Variants in BRIP1 observed in about 807,000 individuals in gnomAD.
BRIP1 encodes BRCA1 interacting DNA helicase 1, also known as Fanconi anemia group J protein.
A neutral mutation model predicts 119.7 loss-of-function variants in BRIP1; 88 were observed. The ratio of observed to expected loss-of-function variants is 0.74; its 90% CI spans 0.62 to 0.88. The LOEUF is 0.88. Ranked by LOEUF, BRIP1 falls within the 40% of genes least tolerant of loss-of-function variation. The pLI, the probability that BRIP1 is intolerant of heterozygous loss-of-function variation, is 0.00. For missense variants in BRIP1, 1,259 were observed against 1,455.4 expected, an observed-to-expected ratio of 0.87 and a Z score of 2.20; for synonymous variants, 443 against 496.5, an observed-to-expected ratio of 0.89 and a Z score of 1.43.
At chr17:61,787,667 CAG>C (rs1454138055) in intron 10 of BRIP1, among the ~76,000 whole-genome samples, 4 of 151,484 alleles carry the variant, frequency 2.6e-5, no homozygotes, top group Admixed American at 6.6e-5. Flanking sequence ...TTTTTTGAGA[CAG>C]AGTCTCGCTC....
Position 61,699,136 on chromosome 17 carries a change from C to A in BRIP1, c.2493-5624G>T, listed in dbSNP as rs1452962476. ...ATTTGCATGGTATGTCTTTTCCCAT[C>A]ATTTTATTTTCAACCTATTTGTGTT... On this transcript the variant is annotated intron_variant, in intron 17 of 19. Coordinates refer to ENST00000259008, the MANE Select transcript of BRIP1 (RefSeq NM_032043.3). The surrounding 1 kb of genome is among the most constrained non-coding windows in gnomAD (Gnocchi z 4.8). Among the ~76,000 whole-genome samples the A allele has an allele frequency of 1.3e-5, 2 of 152,124 alleles. No homozygotes were observed. Among genetic ancestry groups the A allele is most frequent in the African/African-American group, 2.4e-5 (1 of 41,416 alleles).
At position 61,683,319 on chromosome 17, in the gene BRIP1, C is replaced by A. The variant is rs587780250; in HGVS notation, c.3727G>T (p.Gly1243Cys). Residue 1243 changes from glycine to cysteine, a missense_variant, in exon 20 of 20, where the codon GGC becomes TGC. Coordinates refer to ENST00000259008, the MANE Select transcript of BRIP1 (RefSeq NM_032043.3). This position sits in a 1 kb window ranked among gnomAD's most constrained non-coding sequence, Gnocchi z 4.7. Reference protein sequence around the residue: ...NFKPSPSKNKGMFPGFK With the variant: ...NFKPSPSKNKCMFPGFK ...TATTACTTAAAACCAGGAAACATGC[C>A]TTTATTTTTGGAAGGAGATGGTTTA... 6 of 1,610,214 alleles carry A rather than the reference C, an allele frequency of 3.7e-6. No individual in the cohort carries two copies. Among genetic ancestry groups the A allele is most frequent in the Non-Finnish European group, 4.2e-6 (5 of 1,177,268 alleles).
In BRIP1 at chr17:61,764,683, G is replaced by A. The variant is rs371663260; in HGVS notation, c.2097+11718C>T. The stretch of plus-strand genomic sequence containing the variant: ...CTAGTCCATATCAAGCTCAAAAATT[G>A]CTTTAATATGTAAAATGTACAGTAA... On this transcript the variant is annotated intron_variant, in intron 14 of 19. Transcript: ENST00000259008. Among the ~76,000 whole-genome samples the A allele has an allele frequency of 1.5e-4, 23 of 152,212 alleles. No individual in the cohort carries two copies. The South Asian group carries it at 3.7e-3, about 25-fold the overall frequency.
At position 61,753,805 on chromosome 17, in the gene BRIP1, A is replaced by G. The variant is rs2077165865; in HGVS notation, c.2098-9214T>C. 2.0e-5 allele frequency among the ~76,000 whole-genome samples: 3 copies of G among 152,044 alleles called. No homozygotes were observed. Among genetic ancestry groups the G allele is most frequent in the Non-Finnish European group, 4.4e-5 (3 of 68,010 alleles). Reference sequence around the variant, plus strand: ...AACAACAACAACAACAAAAAACCAGAGAGGGTCTTGCTGTGTTGCCAAGGC... The same window carrying G: ...AACAACAACAACAACAAAAAACCAGGGAGGGTCTTGCTGTGTTGCCAAGGC... On this transcript the variant is annotated intron_variant, in intron 14 of 19. Coordinates refer to ENST00000259008, the MANE Select transcript of BRIP1 (RefSeq NM_032043.3). The surrounding 1 kb of genome is among the most constrained non-coding windows in gnomAD (Gnocchi z 4.6).
At chr17:61,719,245 C>T (rs531206556) in intron 16 of BRIP1, among the ~76,000 whole-genome samples, 1 of 148,628 alleles carries the variant, frequency 6.7e-6, no homozygotes, top group Non-Finnish European at 1.5e-5. Context: ...AGGTATCCAA[C>T]AACAGATAAG....
chr17:61,748,717 G>A lies in BRIP1; in HGVS notation c.2098-4126C>T, dbSNP rs1391362521. ...AAGGGTGCCAAAAATACATAATGGG[G>A]AAAGGACAGTCTCTTCAACAAATAG... On this transcript the variant is annotated intron_variant, in intron 14 of 19. Transcript: ENST00000259008. This position sits in a 1 kb window ranked among gnomAD's most constrained non-coding sequence, Gnocchi z 4.7. 6.6e-6 allele frequency among the ~76,000 whole-genome samples: 1 copy of A among 152,194 alleles called. No individual in the cohort carries two copies. Among genetic ancestry groups the A allele is most frequent in the Non-Finnish European group, 1.5e-5 (1 of 68,038 alleles).
rs1200101667 is a variant in BRIP1, at chr17:61,717,740, A to T, written c.2380-1677T>A. 6.6e-6 allele frequency among the ~76,000 whole-genome samples: 1 copy of T among 151,960 alleles called. No individual in the cohort carries two copies. Among genetic ancestry groups the T allele is most frequent in the Non-Finnish European group, 1.5e-5 (1 of 67,980 alleles). The stretch of plus-strand genomic sequence containing the variant: ...TATCAAACTTGAAAAATTTTCAGCC[A>T]TTATTTCTCTAAATATATATATTAT... On this transcript the variant is annotated intron_variant, in intron 16 of 19. Transcript: ENST00000259008. This position sits in a 1 kb window ranked among gnomAD's most constrained non-coding sequence, Gnocchi z 4.1.
rs913014438 is a variant in BRIP1, at chr17:61,691,997, T to A, written c.2575+1433A>T. Among the ~76,000 whole-genome samples the A allele has an allele frequency of 3.3e-5, 5 of 151,954 alleles. No individual in the cohort carries two copies. Among genetic ancestry groups the A allele is most frequent in the African/African-American group, 9.7e-5 (4 of 41,430 alleles). ...TCTTCAACAGGGTGTCATTGGGGAT[T>A]GATATGCTTTGGTTATTTGTTTCCT... On this transcript the variant is annotated intron_variant, in intron 18 of 19. Coordinates refer to ENST00000259008, the MANE Select transcript of BRIP1 (RefSeq NM_032043.3). The surrounding 1 kb of genome is among the most constrained non-coding windows in gnomAD (Gnocchi z 5.0).
intron 4 of BRIP1, among the ~76,000 whole-genome samples, chr17:61,850,148 G>A (rs1462335878): frequency 6.7e-6 from 1 of 150,190 alleles, no homozygotes; most frequent in Non-Finnish European, 1.5e-5. Context: ...TGTTGCCCAG[G>A]CTGAAGTGCA....
Position 61,701,109 on chromosome 17 carries a change from T to C in BRIP1, c.2493-7597A>G, listed in dbSNP as rs2061607504. 6.6e-6 allele frequency among the ~76,000 whole-genome samples: 1 copy of C among 152,196 alleles called. No individual in the cohort carries two copies. The highest frequency in any genetic ancestry group is 2.4e-5 in the African/African-American group (1 of 41,460). ...GTTATTGAATGTATTTGAACTAGCT[T>C]TCTCTCCTAAGGCATAGCTTTGTCT... is the stretch of plus-strand genomic sequence containing the variant. On this transcript the variant is annotated intron_variant, in intron 17 of 19. Transcript: ENST00000259008. This position sits in a 1 kb window ranked among gnomAD's most constrained non-coding sequence, Gnocchi z 5.1.
At position 61,860,741 on chromosome 17, in the gene BRIP1, T is replaced by G. The variant is rs578187112; in HGVS notation, c.93+706A>C. Among the ~76,000 whole-genome samples, 1 of 152,110 alleles carries G rather than the reference T, an allele frequency of 6.6e-6. No individual in the cohort carries two copies. The highest frequency in any genetic ancestry group is 1.5e-5 in the Non-Finnish European group (1 of 68,024). On this transcript the variant is annotated intron_variant, in intron 2 of 19. Coordinates refer to ENST00000259008, the MANE Select transcript of BRIP1 (RefSeq NM_032043.3). This position sits in a 1 kb window ranked among gnomAD's most constrained non-coding sequence, Gnocchi z 4.1. Reference sequence around the variant, plus strand: ...TGTAAACAACCTAAATGTCTACCAATAAGAAAATGGACAGATAAATTCTGG... The same window carrying G: ...TGTAAACAACCTAAATGTCTACCAAGAAGAAAATGGACAGATAAATTCTGG...
chr17:61,845,346 G>T lies in BRIP1; in HGVS notation c.627+1755C>A. Among the ~76,000 whole-genome samples the T allele has an allele frequency of 6.6e-6, 1 of 152,156 alleles. No homozygotes were observed. Among genetic ancestry groups the T allele is most frequent in the East Asian group, 1.9e-4 (1 of 5,190 alleles). On this transcript the variant is annotated intron_variant, in intron 6 of 19. Transcript: ENST00000259008. This position sits in a 1 kb window ranked among gnomAD's most constrained non-coding sequence, Gnocchi z 4.2. ...GTCCATCAGTCTATCTTGCACTTAG[G>T]ATGGACCTTTTCTAGGCATCATTTT...
rs1186067786 is a variant in BRIP1, at chr17:61,842,567, T to C, written c.627+4534A>G. On this transcript the variant is annotated intron_variant, in intron 6 of 19. Transcript: ENST00000259008. This position sits in a 1 kb window ranked among gnomAD's most constrained non-coding sequence, Gnocchi z 5.1. ...TATCACACTGAATCCCATAAGTATGTATAATTATTATGTGTCAACAAAAAT... is the reference window on the plus strand; with the variant it reads ...TATCACACTGAATCCCATAAGTATGCATAATTATTATGTGTCAACAAAAAT... Among the ~76,000 whole-genome samples the C allele has an allele frequency of 6.6e-6, 1 of 152,192 alleles. No homozygotes were observed. Among genetic ancestry groups the C allele is most frequent in the Non-Finnish European group, 1.5e-5 (1 of 68,042 alleles).
In BRIP1 at chr17:61,758,144, G is replaced by C. The variant is rs1056715682; in HGVS notation, c.2098-13553C>G. Among the ~76,000 whole-genome samples the C allele has an allele frequency of 3.3e-5, 5 of 152,238 alleles. No individual in the cohort carries two copies. The highest frequency in any genetic ancestry group is 3.4e-3 in the Middle Eastern group (1 of 294). ...CATCAATGTCTAAAGTAATCATTTA[G>C]TTAAAATGTATATAATCTGACTTGT... On this transcript the variant is annotated intron_variant, in intron 14 of 19. Transcript: ENST00000259008. This position sits in a 1 kb window ranked among gnomAD's most constrained non-coding sequence, Gnocchi z 5.3.
rs1327397632 is a variant in BRIP1, at chr17:61,683,171, A to C, written c.*125T>G. The C allele has an allele frequency of 2.5e-6, 3 of 1,178,088 alleles. No homozygotes were observed. Among genetic ancestry groups the C allele is most frequent in the Non-Finnish European group, 3.6e-6 (3 of 834,298 alleles). The allele number at this position is 1,178,088 out of a possible 1,614,324, so 73.0% of individuals were successfully genotyped here. On this transcript the variant is annotated 3_prime_UTR_variant, in exon 20 of 20. Transcript: ENST00000259008. This position sits in a 1 kb window ranked among gnomAD's most constrained non-coding sequence, Gnocchi z 4.7. The stretch of plus-strand genomic sequence containing the variant: ...AAAACTCAAGAATAATAACATTTAC[A>C]TTTCTGAACATAAAATAGTTTTTTA...
At chr17:61,783,926 T>C (rs1170243301) in intron 11 of BRIP1, 2 of 181,138 alleles carry the variant, frequency 1.1e-5, no homozygotes, top group Non-Finnish European at 2.3e-5. Flanking sequence ...AAAATAAAAA[T>C]TAAAAAATTA....
rs1478668365 is a variant in BRIP1 at position 61,794,076 on chromosome 17, A to C, written c.1341-347T>G. ...ATATATATAAAAGGAAATGCAAAACAACCTAATAAAGAAATTAAAGTGTTA... is the reference window on the plus strand; with the variant it reads ...ATATATATAAAAGGAAATGCAAAACCACCTAATAAAGAAATTAAAGTGTTA... On this transcript the variant is annotated intron_variant, in intron 9 of 19. Coordinates refer to ENST00000259008, the MANE Select transcript of BRIP1 (RefSeq NM_032043.3). This position sits in a 1 kb window ranked among gnomAD's most constrained non-coding sequence, Gnocchi z 4.3. 6.6e-6 allele frequency among the ~76,000 whole-genome samples: 1 copy of C among 152,176 alleles called. No homozygotes were observed. Among genetic ancestry groups the C allele is most frequent in the African/African-American group, 2.4e-5 (1 of 41,452 alleles).
Position 61,847,215 on chromosome 17 carries a change from T to C in BRIP1, c.513A>G (p.Arg171=). The C allele has an allele frequency of 6.2e-7, 1 of 1,613,882 alleles. No homozygotes were observed. The highest frequency in any genetic ancestry group is 2.2e-5 in the East Asian group (1 of 44,828). ...IRPLETTQQI[R]KRHCFGTEVH... ...CTTCTGTTCCAAAGCAATGACGTTT[T>C]CTAATCTGTAAACACAGAACCAAAA... is the stretch of plus-strand genomic sequence containing the variant. The change falls in exon 6 of 20, where the codon AGA becomes AGG. Residue 171 remains arginine (R), a synonymous_variant. Transcript: ENST00000259008.
chr17:61,693,288 G>T lies in BRIP1; in HGVS notation c.2575+142C>A, dbSNP rs1045453085. The T allele has an allele frequency of 3.7e-5, 28 of 766,544 alleles. No individual in the cohort carries two copies. Among genetic ancestry groups the T allele is most frequent in the Middle Eastern group, 3.5e-4 (1 of 2,898 alleles). The allele number at this position is 766,544 out of a possible 1,614,324, so 47.5% of individuals were successfully genotyped here. On this transcript the variant is annotated intron_variant, in intron 18 of 19. Coordinates refer to ENST00000259008, the MANE Select transcript of BRIP1 (RefSeq NM_032043.3). This position sits in a 1 kb window ranked among gnomAD's most constrained non-coding sequence, Gnocchi z 4.2. ...TAAGATTTAAAAGTTCTAGATATCT[G>T]CTGTGAAATACTGTGCTTATAGTTA... is the stretch of plus-strand genomic sequence containing the variant.
Sources: gnomAD v4.1 joint callset for allele counts (sites outside exome capture counted in the v4.1 genomes callset) on GRCh38, gnomAD v4.1.1 for gene constraint, Gnocchi (gnomAD v3.1) non-coding constraint, MANE v1.5 for transcripts, NCBI Gene and HGNC (gene_info 2026-07-23, HGNC 2026-07-21) for gene names.